USP40: variants seen among roughly 807,000 people sequenced by gnomAD.
The protein encoded by USP40 is ubiquitin specific peptidase 40.
Under a neutral mutation model 166.2 loss-of-function variants are expected in USP40, and 143 were observed. That is an observed-to-expected ratio of 0.86 (90% CI 0.75 to 0.99). The LOEUF (loss-of-function observed/expected upper bound fraction) is 0.99. Ranked by LOEUF, USP40 falls within the 50% of genes least tolerant of loss-of-function variation. USP40 has a pLI of 0.00. For missense variants in USP40, 1,444 were observed against 1,479.7 expected, an observed-to-expected ratio of 0.98 and a Z score of 0.40; for synonymous variants, 498 against 524.0, an observed-to-expected ratio of 0.95 and a Z score of 0.68.
intron 2 of USP40, among the ~76,000 whole-genome samples, chr2:233,564,026 G>C (rs1455704378): frequency 1.3e-5 from 2 of 152,138 alleles, no homozygotes; most frequent in Admixed American, 6.5e-5. Flanking sequence ...GTACTTATTA[G>C]TGCTGGCAAT....
intron 17 of USP40, among the ~76,000 whole-genome samples, chr2:233,520,634 CAT>C (rs990288252): frequency 6.6e-6 from 1 of 151,984 alleles, no homozygotes; most frequent in African/African-American, 2.4e-5. Flanking sequence ...AAAACCAAAA[CAT>C]ATGTATACTT....
chr2:233,551,516 C>G lies in USP40; in HGVS notation c.697G>C (p.Ala233Pro). The G allele has an allele frequency of 6.3e-7, 1 of 1,586,520 alleles. No homozygotes were observed. Among genetic ancestry groups the G allele is most frequent in the South Asian group, 1.2e-5 (1 of 85,276 alleles). The change falls in exon 7 of 32, where the codon GCC (alanine) becomes CCC (proline). Residue 233 changes from alanine (A) to proline (P), a missense_variant. Transcript: ENST00000678225. ...CDRLVKAAKS[A>P]KLRKLPPFLT... ...AAAGGAGGCAGCTTACGTAATTTGG[C>G]CGACTGTTAAAAGAAAAATTTACAA... is the stretch of plus-strand genomic sequence containing the variant.
Position 233,565,461 on chromosome 2 carries a change from G to A in USP40, c.94C>T (p.Pro32Ser), listed in dbSNP as rs746716991. ...KKLKTKALEP[P>S]APREFTNLSG... The stretch of plus-strand genomic sequence containing the variant: ...AAATTGGTGAATTCTCTAGGAGCAG[G>A]TGGCTCCAAAGCTTTAGTCTTTAAT... The change falls in exon 2 of 32, where the codon CCT (proline) becomes TCT (serine). Residue 32 changes from proline to serine, a missense_variant. Physicochemically the swap from Pro to Ser is moderately conservative, Grantham distance 74. Coordinates refer to ENST00000678225, the MANE Select transcript of USP40 (RefSeq NM_001365479.2). 124 of 1,537,114 alleles carry A rather than the reference G, an allele frequency of 8.1e-5. No homozygotes were observed. Among genetic ancestry groups the A allele is most frequent in the Admixed American group, 2.7e-4 (14 of 50,976 alleles).
At chr2:233,537,612 C>A (rs2069026492) in intron 10 of USP40, among the ~76,000 whole-genome samples, 1 of 152,154 alleles carries the variant, frequency 6.6e-6, no homozygotes, top group African/African-American at 2.4e-5. Flanking sequence ...TAAAAAATGA[C>A]AGTTGGCTTC....
chr2:233,553,479 C>A (rs1045998736), intron 6 of USP40, among the ~76,000 whole-genome samples: 2 of 152,176 alleles, frequency 1.3e-5, no homozygotes, highest in Admixed American at 6.5e-5. Flanking sequence ...GACCTCACAT[C>A]AGTACTGGGA....
At chr2:233,507,444 T>C (rs76398698) in intron 21 of USP40, among the ~76,000 whole-genome samples, 2 of 151,972 alleles carry the variant, frequency 1.3e-5, no homozygotes, top group African/African-American at 2.4e-5. Context: ...AGTGGATGAA[T>C]AGGTAAGGAA....
intron 18 of USP40, 149 bp downstream of exon 18, chr2:233,519,465 A>G: frequency 1.8e-6 from 1 of 567,882 alleles, no homozygotes; most frequent in Non-Finnish European, 3.2e-6. Flanking sequence ...ACAAAAACAA[A>G]CATATGACAA....
rs1032009621 is a variant in USP40 at position 233,475,984 on chromosome 2, G to A, written c.*1408C>T. The A allele has an allele frequency of 2.0e-5, 3 of 152,392 alleles. No individual in the cohort carries two copies. Among genetic ancestry groups the A allele is most frequent in the Non-Finnish European group, 4.4e-5 (3 of 68,096 alleles). 9.4% of individuals were successfully genotyped at this position (152,392 alleles called of 1,614,324 possible). A position where few individuals can be genotyped will look rare whatever the true frequency, so the allele number is the denominator to read the frequency against. ...TGAGCGGGGTTAGTGTTTGGGAGTG[G>A]GAGGCAGCTGCTAGTCAGAGTTGGG... On this transcript the variant is annotated 3_prime_UTR_variant, in exon 32 of 32. Transcript: ENST00000678225.
intron 10 of USP40, among the ~76,000 whole-genome samples, chr2:233,539,023 T>A (rs1335822073): frequency 6.6e-6 from 1 of 151,994 alleles, no homozygotes; most frequent in African/African-American, 2.4e-5. Flanking sequence ...AGCAAAACTC[T>A]GTCTCAAAAA....
intron 13 of USP40, 43 bp from the exon 14 acceptor site, chr2:233,525,605 C>T (rs1457137607): frequency 6.9e-7 from 1 of 1,442,706 alleles, no homozygotes; most frequent in Admixed American, 1.7e-5. Flanking sequence ...TGAAAAGTGA[C>T]ATATACATAT....
At chr2:233,514,430 G>A (rs1166499124) in intron 18 of USP40, among the ~76,000 whole-genome samples, 1 of 152,208 alleles carries the variant, frequency 6.6e-6, no homozygotes, top group Admixed American at 6.5e-5. Context: ...TGAGCACTAA[G>A]AAGTCTTGGG....
chr2:233,526,938 G>GACT (rs2068072619), intron 13 of USP40, among the ~76,000 whole-genome samples: 1 of 152,186 alleles, frequency 6.6e-6, no homozygotes, highest in South Asian at 2.1e-4. Context: ...ATGACTTGGA[G>GACT]ACTACAGCAC....
In USP40 at chr2:233,565,408, G is replaced by C. The variant is rs1394915987; in HGVS notation, c.147C>G (p.Thr49=). 9.1e-6 allele frequency: 14 copies of C among 1,537,226 alleles called. No individual in the cohort carries two copies. Among genetic ancestry groups the C allele is most frequent in the Non-Finnish European group, 1.2e-5 (14 of 1,146,856 alleles). ...TCTGAAGAAGGGAATTGAGGTAACA[G>C]GTTCCACCCTGATTTCTGATTCCGC... ...NLSGIRNQGG[T]CYLNSLLQTL... The change falls in exon 2 of 32, where the codon ACC becomes ACG. Residue 49 remains threonine, a synonymous_variant. Coordinates refer to ENST00000678225, the MANE Select transcript of USP40 (RefSeq NM_001365479.2).
chr2:233,551,666 C>T (rs925680930), intron 6 of USP40, 147 bp from the exon 7 acceptor site: 26 of 771,732 alleles, frequency 3.4e-5, no homozygotes, highest in African/African-American at 1.8e-4. Flanking sequence ...CAACATAACT[C>T]GATGTCAACT....
intron 4 of USP40, among the ~76,000 whole-genome samples, chr2:233,558,163 T>G (rs901453943): frequency 1.3e-5 from 2 of 152,048 alleles, no homozygotes; most frequent in African/African-American, 4.8e-5. Context: ...GTGGAAGTTT[T>G]CAAGCTCTGT....
chr2:233,494,973 TATATATACAC>T (rs1559224510), intron 24 of USP40, among the ~76,000 whole-genome samples: 5 of 71,978 alleles, frequency 6.9e-5, no homozygotes, highest in Admixed American at 2.6e-4. Context: ...TATATATATA[TATATATACAC>T]ACACATAAAA....
At chr2:233,540,822 A>G in intron 9 of USP40, 53 bp from the exon 10 acceptor site, 2 of 1,303,232 alleles carry the variant, frequency 1.5e-6, no homozygotes, top group Non-Finnish European at 2.2e-6. Flanking sequence ...ATAATTGCAT[A>G]CTTAACAAAT....
At chr2:233,559,787 T>A in intron 4 of USP40, 24 bp downstream of exon 4, 1 of 1,534,380 alleles carries the variant, frequency 6.5e-7, no homozygotes, top group Non-Finnish European at 8.9e-7. Context: ...TGGTAACTCT[T>A]CCTTAAAGAG....
chr2:233,479,022 T>C (rs1351836789), intron 31 of USP40, among the ~76,000 whole-genome samples: 1 of 152,212 alleles, frequency 6.6e-6, no homozygotes, highest in East Asian at 1.9e-4. Flanking sequence ...AGTGGTTACA[T>C]CACGGTGTTC....
Sources: gnomAD v4.1 joint callset for allele counts (sites outside exome capture counted in the v4.1 genomes callset) on GRCh38, gnomAD v4.1.1 for gene constraint, MANE v1.5 for transcripts, NCBI Gene and HGNC (gene_info 2026-07-23, HGNC 2026-07-21) for gene names.